Variants in RPS29 observed in about 807,000 individuals in gnomAD.
RPS29 encodes small ribosomal subunit protein uS14.
For missense variants in RPS29, 60 were observed against 75.7 expected, an observed-to-expected ratio of 0.79 and a Z score of 0.77; for synonymous variants, 37 against 26.9, an observed-to-expected ratio of 1.37 and a Z score of -1.16.
intron 2 of RPS29, 80 bp downstream of exon 2, chr14:49,585,870 T>C (rs1881528200): frequency 3.7e-6 from 4 of 1,076,688 alleles, no homozygotes; most frequent in Non-Finnish European, 5.7e-6. Context: ...GGAAGATCTG[T>C]CCGTTTGTCT....
chr14:49,587,768 C>T (rs571992972), upstream of RPS29, among the ~76,000 whole-genome samples: 122 of 152,060 alleles, frequency 8.0e-4, 2 homozygotes, highest in Non-Finnish European at 1.5e-3. Context: ...TCATGAAGTA[C>T]GAAAGGAGCC....
At chr14:49,576,123 CT>C (rs5808506) in exon 3 of RPS29, 99,611 of 145,998 alleles carry the variant, frequency 0.68, 34,595 homozygotes, top group Non-Finnish European at 0.74. Flanking sequence ...ATAGTGCAGC[CT>C]TTTTTTTTTT....
upstream of RPS29, chr14:49,586,648 T>C (rs1141766): frequency 1.9e-5 from 8 of 420,788 alleles, no homozygotes; most frequent in Admixed American, 7.0e-5. Context: ...ATCGCTTGAG[T>C]CCAGGAGTTC....
downstream of RPS29, among the ~76,000 whole-genome samples, chr14:49,582,012 C>CAAAAAAAAAAAAAAAAAAAAAAA (rs58507206): frequency 3.8e-5 from 4 of 106,512 alleles, no homozygotes; most frequent in African/African-American, 1.4e-4. Context: ...CCCTGCCCCC[C>CAAAAAAAAAAAAAAAAAAAAAAA]AAAAAAAAAA....
chr14:49,584,329 G>C (rs566076153), intron 2 of RPS29, among the ~76,000 whole-genome samples: 22 of 152,318 alleles, frequency 1.4e-4, no homozygotes, highest in African/African-American at 5.1e-4. Context: ...ATTTTCTTAC[G>C]TATGATATAC....
intron 1 of RPS29, among the ~76,000 whole-genome samples, chr14:49,593,600 G>GGA (rs1881759752): frequency 7.0e-6 from 1 of 142,528 alleles, no homozygotes; most frequent in African/African-American, 2.6e-5. Flanking sequence ...GGCTGAGGCA[G>GGA]GAGAATCGCT....
chr14:49,586,056 G>T lies in RPS29; in HGVS notation c.63-7C>A, dbSNP rs763967610. The stretch of plus-strand genomic sequence containing the variant: ...CCGGTTTGAACAGACACGACTGTAA[G>T]AAAAGAGACAGCGGTTTTGCAGGTC... On this transcript the variant is annotated splice_region_variant and splice_polypyrimidine_tract_variant and intron_variant, in intron 1 of 2. Transcript: ENST00000245458. 2.5e-6 allele frequency: 4 copies of T among 1,610,814 alleles called. No individual in the cohort carries two copies. The East Asian group carries it at 8.9e-5, about 36-fold the overall frequency.
chr14:49,586,034 G>C lies in RPS29; in HGVS notation c.78C>G (p.Asn26Lys). 6.3e-7 allele frequency: 1 copy of C among 1,599,076 alleles called. No homozygotes were observed. The highest frequency in any genetic ancestry group is 8.5e-7 in the Non-Finnish European group (1 of 1,171,288). ...CATATTTCCGGATCAGACCGTGCCGGTTTGAACAGACACGACTGTAAGAAA... is the reference window on the plus strand; with the variant it reads ...CATATTTCCGGATCAGACCGTGCCGCTTTGAACAGACACGACTGTAAGAAA... ...QGSRSCRVCS[N>K]RHGLIRKYGL... is the part of the protein sequence containing the mutation. The change falls in exon 2 of 3, where the codon AAC becomes AAG. Residue 26 changes from asparagine to lysine, a missense_variant. Physicochemically the swap from Asn to Lys is moderately conservative, Grantham distance 94. Transcript: ENST00000245458.
intron 2 of RPS29, 50 bp from the exon 3 acceptor site, chr14:49,583,725 CTTGA>C: frequency 8.8e-7 from 1 of 1,140,804 alleles, no homozygotes; most frequent in Non-Finnish European, 1.3e-6. Flanking sequence ...TAAATCTCTA[CTTGA>C]TTCTCACAAA....
At chr14:49,589,517 C>G (rs1473423904), upstream of RPS29, among the ~76,000 whole-genome samples, 1 of 152,184 alleles carries the variant, frequency 6.6e-6, no homozygotes, top group Non-Finnish European at 1.5e-5. Flanking sequence ...TTCTTACAGT[C>G]TTCTGTGATC....
chr14:49,598,681 C>G, exon 1 of RPS29: 3 of 700,336 alleles, frequency 4.3e-6, no homozygotes, highest in Non-Finnish European at 7.8e-6. Flanking sequence ...CCTCGGAATC[C>G]TCCCCGAACA....
At chr14:49,588,008 C>T (rs1267721596), upstream of RPS29, among the ~76,000 whole-genome samples, 1 of 152,204 alleles carries the variant, frequency 6.6e-6, no homozygotes, top group Non-Finnish European at 1.5e-5. Context: ...TGGGCAAGAT[C>T]CAATGTCAAG....
upstream of RPS29, chr14:49,586,733 G>A (rs910189853): frequency 8.2e-6 from 2 of 244,136 alleles, no homozygotes; most frequent in East Asian, 8.9e-5. Flanking sequence ...CCGGGAGCGG[G>A]GGACCACCAG....
chr14:49,593,692 C>A (rs149161957), intron 1 of RPS29, among the ~76,000 whole-genome samples: 68 of 56,290 alleles, frequency 1.2e-3, no homozygotes, highest in South Asian at 3.5e-3. Flanking sequence ...GACTCTGTCT[C>A]AAAAAAAAAA....
exon 3 of RPS29, chr14:49,576,723 G>C (rs1881191726): frequency 7.1e-6 from 1 of 141,622 alleles, no homozygotes; most frequent in African/African-American, 3.1e-5. Context: ...GGAGATAACT[G>C]AATCATGGGA....
exon 3 of RPS29, chr14:49,576,123 CTTTTTT>C (rs5808506): frequency 6.8e-6 from 1 of 146,062 alleles, no homozygotes; most frequent in African/African-American, 2.5e-5. Context: ...ATAGTGCAGC[CTTTTTT>C]TTTTTTTTAA....
intron 1 of RPS29, 62 bp from the exon 2 acceptor site, chr14:49,586,111 G>T: frequency 8.8e-6 from 13 of 1,480,510 alleles, no homozygotes; most frequent in Non-Finnish European, 1.0e-5. Flanking sequence ...GCACTCAGAC[G>T]GCTACTACCC....
At chr14:49,581,166 G>A (rs1444024424), downstream of RPS29, among the ~76,000 whole-genome samples, 9 of 151,950 alleles carry the variant, frequency 5.9e-5, no homozygotes, top group Non-Finnish European at 1.3e-4. Context: ...CTCCAGCCTG[G>A]GCAACATGAG....
Position 49,584,810 on chromosome 14 carries a change from C to G in RPS29, c.163-1135G>C, listed in dbSNP as rs185724908. Among the ~76,000 whole-genome samples, 568 of 151,022 alleles carry G rather than the reference C, an allele frequency of 3.8e-3. 2 individuals are homozygous for G. The highest frequency in any genetic ancestry group is 6.0e-3 in the Non-Finnish European group (406 of 67,762). ...CATTATAGAACAGTACTATCCAATACAAAATAATTGATCAGAAAGCTGGTG... is the reference window on the plus strand; with the variant it reads ...CATTATAGAACAGTACTATCCAATAGAAAATAATTGATCAGAAAGCTGGTG... On this transcript the variant is annotated intron_variant, in intron 2 of 2. Transcript: ENST00000245458.
Sources: gnomAD v4.1 joint callset for allele counts (sites outside exome capture counted in the v4.1 genomes callset) on GRCh38, gnomAD v4.1.1 for gene constraint, MANE v1.5 for transcripts, NCBI Gene and HGNC (gene_info 2026-07-23, HGNC 2026-07-21) for gene names.